The following DLG2 variants were observed in gnomAD, a reference collection of about 807,000 sequenced individuals.
DLG2 encodes disks large homolog 2.
DLG2 carries 45 observed loss-of-function variants against 132.5 expected under a neutral mutation model. The observed-to-expected ratio is 0.34, with a 90% confidence interval of 0.27 to 0.44. The LOEUF (loss-of-function observed/expected upper bound fraction) is 0.44, where lower values mean the gene tolerates loss of function less well. Ranked by LOEUF, DLG2 falls within the 20% of genes least tolerant of loss-of-function variation. The pLI is 1.00. For synonymous variants in DLG2, 424 were observed against 419.6 expected, an observed-to-expected ratio of 1.01 and a Z score of -0.13; for missense variants, 1,045 against 1,196.9, an observed-to-expected ratio of 0.87 and a Z score of 1.87.
intron 3 of DLG2, among the ~76,000 whole-genome samples, chr11:85,426,962 G>T (rs951485424): frequency 6.6e-6 from 1 of 152,146 alleles, no homozygotes; most frequent in Non-Finnish European, 1.5e-5. Flanking sequence ...ACCAAGGCAC[G>T]AGAAATACGT....
At chr11:83,592,181 C>T (rs1404912920) in intron 19 of DLG2, among the ~76,000 whole-genome samples, 1,838 of 109,210 alleles carry the variant, frequency 0.017, no homozygotes, top group East Asian at 0.023. Context: ...GCCCGCATCG[C>T]CAAGGCAATC....
intron 18 of DLG2, among the ~76,000 whole-genome samples, chr11:83,642,579 A>G (rs114023782): frequency 0.015 from 2,290 of 152,294 alleles, 54 homozygotes; most frequent in African/African-American, 0.047. Context: ...TGAAAATTAC[A>G]TACATCAAAT....
At chr11:85,341,259 C>T (rs1468034777) in intron 3 of DLG2, among the ~76,000 whole-genome samples, 1 of 152,128 alleles carries the variant, frequency 6.6e-6, no homozygotes, top group Non-Finnish European at 1.5e-5. Flanking sequence ...GCTGGGACTA[C>T]AGGCACCTGC....
rs1401234234 is a variant in DLG2 at position 84,686,640 on chromosome 11, T to TG, written c.358-151910_358-151909insC. On this transcript the variant is annotated intron_variant, in intron 6 of 27. Coordinates refer to ENST00000376104, the MANE Select transcript of DLG2 (RefSeq NM_001142699.3). ...TCAACTGGCCTTGAGGTTTTTTTTT[T>TG]TTTTTTTTTTTTATGCTATACACCA... Among the ~76,000 whole-genome samples, 18 of 150,870 alleles carry TG rather than the reference T, an allele frequency of 1.2e-4. No homozygotes were observed. The East Asian group carries it at 3.5e-3, about 29-fold the overall frequency.
chr11:84,656,788 T>C (rs556356248), intron 6 of DLG2, among the ~76,000 whole-genome samples: 1 of 152,186 alleles, frequency 6.6e-6, no homozygotes, highest in South Asian at 2.1e-4. Context: ...ATTATCTCTC[T>C]CAAAAAATTG....
chr11:85,566,686 T>A (rs946247924), intron 3 of DLG2, among the ~76,000 whole-genome samples: 6 of 152,142 alleles, frequency 3.9e-5, no homozygotes, highest in African/African-American at 9.7e-5. Context: ...CCCCACGTCC[T>A]AATACCATCA....
At chr11:85,512,777 T>C (rs2094103665) in intron 3 of DLG2, among the ~76,000 whole-genome samples, 1 of 152,124 alleles carries the variant, frequency 6.6e-6, no homozygotes, top group Admixed American at 6.6e-5. Flanking sequence ...TGGAAAGCAG[T>C]GTGGAGATTT....
intron 9 of DLG2, among the ~76,000 whole-genome samples, chr11:84,156,078 C>A (rs745323984): frequency 1.3e-5 from 2 of 151,952 alleles, no homozygotes; most frequent in Admixed American, 1.3e-4. Context: ...ATACTAGGAA[C>A]GATAGAAGAA....
At chr11:85,307,523 G>A (rs1315246783) in intron 3 of DLG2, among the ~76,000 whole-genome samples, 1 of 152,158 alleles carries the variant, frequency 6.6e-6, no homozygotes, top group African/African-American at 2.4e-5. Context: ...CGTTGGCTAG[G>A]TGACAGAGGA....
intron 6 of DLG2, among the ~76,000 whole-genome samples, chr11:85,070,075 T>A (rs1482137381): frequency 6.6e-6 from 1 of 151,838 alleles, no homozygotes; most frequent in Non-Finnish European, 1.5e-5. Flanking sequence ...ACACCGCATG[T>A]TCTCACTCAT....
At chr11:84,154,106 T>C (rs1450913487) in intron 9 of DLG2, among the ~76,000 whole-genome samples, 3 of 152,210 alleles carry the variant, frequency 2.0e-5, no homozygotes, top group Non-Finnish European at 4.4e-5. Flanking sequence ...TAAGCGATTC[T>C]CATGTCTCCG....
At chr11:85,378,800 G>A (rs1219004760) in intron 3 of DLG2, among the ~76,000 whole-genome samples, 1 of 152,070 alleles carries the variant, frequency 6.6e-6, no homozygotes, top group Non-Finnish European at 1.5e-5. Context: ...CAAATTACAA[G>A]TTTATTCTCA....
At chr11:84,902,715 T>C (rs1418380262) in intron 6 of DLG2, among the ~76,000 whole-genome samples, 1 of 152,178 alleles carries the variant, frequency 6.6e-6, no homozygotes, top group Non-Finnish European at 1.5e-5. Flanking sequence ...TGTATAGCTG[T>C]CCACTGAATG....
intron 15 of DLG2, among the ~76,000 whole-genome samples, chr11:83,913,633 G>A (rs2076439018): frequency 6.6e-6 from 1 of 152,134 alleles, no homozygotes; most frequent in Admixed American, 6.6e-5. Flanking sequence ...CATTTCTTGG[G>A]CTTATTAACA....
intron 6 of DLG2, among the ~76,000 whole-genome samples, chr11:84,985,061 G>A (rs1451043331): frequency 1.3e-5 from 2 of 152,114 alleles, no homozygotes; most frequent in East Asian, 3.9e-4. Flanking sequence ...TACACCACTA[G>A]ACAGATCATC....
intron 7 of DLG2, among the ~76,000 whole-genome samples, chr11:84,418,957 T>G (rs1168554832): frequency 2.0e-5 from 3 of 152,202 alleles, no homozygotes; most frequent in Non-Finnish European, 4.4e-5. Flanking sequence ...GCAAAACTTT[T>G]GGTTTGACTT....
chr11:84,008,042 A>G (rs1198198713), intron 11 of DLG2, among the ~76,000 whole-genome samples: 1 of 151,842 alleles, frequency 6.6e-6, no homozygotes, highest in East Asian at 1.9e-4. Context: ...ATTAATATCT[A>G]AAGCAAAATA....
chr11:84,750,520 T>A (rs1224891731), intron 6 of DLG2, among the ~76,000 whole-genome samples: 3 of 151,992 alleles, frequency 2.0e-5, no homozygotes, highest in African/African-American at 7.2e-5. Context: ...AATTTATTTT[T>A]AAAAAAATAA....
chr11:85,438,636 A>G (rs140248466), intron 3 of DLG2, among the ~76,000 whole-genome samples: 114 of 152,316 alleles, frequency 7.5e-4, no homozygotes, highest in African/African-American at 2.6e-3. Context: ...GTACCACACA[A>G]TGATATCACT....
Sources: gnomAD v4.1 joint callset for allele counts (sites outside exome capture counted in the v4.1 genomes callset) on GRCh38, gnomAD v4.1.1 for gene constraint, MANE v1.5 for transcripts, NCBI Gene and HGNC (gene_info 2026-07-23, HGNC 2026-07-21) for gene names.